CPXM2: variants seen among roughly 807,000 people sequenced by gnomAD.
CPXM2 encodes the protein carboxypeptidase X, M14 family member 2.
Under a neutral mutation model 86.1 loss-of-function variants are expected in CPXM2, and 66 were observed. That is an observed-to-expected ratio of 0.77 (90% CI 0.63 to 0.94). The LOEUF (loss-of-function observed/expected upper bound fraction) is 0.94, where lower values mean the gene tolerates loss of function less well. CPXM2 is among the 40% of genes least tolerant of loss of function. The pLI, the probability that CPXM2 is intolerant of heterozygous loss-of-function variation, is 0.00. For synonymous variants in CPXM2, 388 were observed against 400.2 expected (o/e 0.97, Z 0.36); for missense variants, 948 against 1,026.3 (o/e 0.92, Z 1.04).
intron 4 of CPXM2, among the ~76,000 whole-genome samples, chr10:123,819,414 G>A (rs1847879988): frequency 6.6e-6 from 1 of 152,198 alleles, no homozygotes; most frequent in African/African-American, 2.4e-5. Context: ...AATACAGAAT[G>A]GGTAATAGAA....
intron 7 of CPXM2, among the ~76,000 whole-genome samples, chr10:123,771,299 G>A (rs897938904): frequency 2.0e-4 from 30 of 152,140 alleles, no homozygotes; most frequent in Middle Eastern, 3.4e-3. Context: ...GCCCCCACCC[G>A]GTCCTGTACT....
upstream of CPXM2, among the ~76,000 whole-genome samples, chr10:123,894,219 CTT>C (rs951660510): frequency 3.9e-5 from 6 of 152,178 alleles, no homozygotes; most frequent in African/African-American, 1.4e-4. Flanking sequence ...CCTGAAGACA[CTT>C]TACCGCTTTT....
chr10:123,929,251 G>T (rs1254913138), intron 2 of CPXM2, among the ~76,000 whole-genome samples: 1 of 152,240 alleles, frequency 6.6e-6, no homozygotes, highest in Non-Finnish European at 1.5e-5. Flanking sequence ...TGGGGCACTG[G>T]CAGAGTGCAG....
chr10:123,859,346 G>A (rs977823282), intron 3 of CPXM2, among the ~76,000 whole-genome samples: 1 of 152,244 alleles, frequency 6.6e-6, no homozygotes, highest in African/African-American at 2.4e-5. Context: ...TGTGACAGTG[G>A]AATCACACTG....
chr10:123,909,827 C>G (rs966302377), intron 2 of CPXM2, among the ~76,000 whole-genome samples: 1 of 152,178 alleles, frequency 6.6e-6, no homozygotes, highest in African/African-American at 2.4e-5. Flanking sequence ...CCTCAGTGTC[C>G]AGGAACAGTA....
rs141382056 is a variant in CPXM2, at chr10:123,798,076, G to T, written c.789C>A (p.Pro263=). ...EKEIPVLNEL[P]VPMVARYIRI... ...GGATGTAGCGGGCCACCATGGGGAC[G>T]GGTAGCTCATTGAGAACAGGGATCT... is the stretch of plus-strand genomic sequence containing the variant. Residue 263 remains proline, a synonymous_variant, in exon 6 of 14, where the codon CCC becomes CCA. Coordinates refer to ENST00000241305, the MANE Select transcript of CPXM2 (RefSeq NM_198148.3). 6 of 1,611,270 alleles carry T rather than the reference G, an allele frequency of 3.7e-6. No homozygotes were observed. Among genetic ancestry groups the T allele is most frequent in the Non-Finnish European group, 5.1e-6 (6 of 1,178,530 alleles).
At chr10:123,866,893 C>A (rs1024414873) in intron 2 of CPXM2, among the ~76,000 whole-genome samples, 2 of 152,232 alleles carry the variant, frequency 1.3e-5, no homozygotes, top group African/African-American at 4.8e-5. Context: ...ATCTTCCATT[C>A]TTTATTTTTC....
chr10:123,752,978 A>G lies in CPXM2; in HGVS notation c.2017+1685T>C, dbSNP rs111735186. Among the ~76,000 whole-genome samples, 33 of 152,258 alleles carry G rather than the reference A, an allele frequency of 2.2e-4. 1 individual carries two copies. The highest frequency in any genetic ancestry group is 7.5e-4 in the African/African-American group (31 of 41,554). The stretch of plus-strand genomic sequence containing the variant: ...TCTTACGTGGTGTGTTAGAAGGGAG[A>G]CATGCCACGGGGAAGGGACAAAGTT... On this transcript the variant is annotated intron_variant, in intron 13 of 13. Coordinates refer to ENST00000241305, the MANE Select transcript of CPXM2 (RefSeq NM_198148.3).
At chr10:123,848,778 G>GA (rs1848545361) in intron 3 of CPXM2, among the ~76,000 whole-genome samples, 1 of 152,232 alleles carries the variant, frequency 6.6e-6, no homozygotes, top group Non-Finnish European at 1.5e-5. Flanking sequence ...ATCGCCTTCA[G>GA]AAATGCATGC....
rs981910838 is a variant in CPXM2 at position 123,891,094 on chromosome 10, A to T, written c.304+262T>A. ...AACAAGAACTTTGACTCTCATAGGCAGCCTCCCAATTGCACAGCTCCCTCT... is the reference window on the plus strand; with the variant it reads ...AACAAGAACTTTGACTCTCATAGGCTGCCTCCCAATTGCACAGCTCCCTCT... On this transcript the variant is annotated intron_variant, in intron 1 of 13. Transcript: ENST00000241305. The surrounding 1 kb of genome is among the most constrained non-coding windows in gnomAD (Gnocchi z 5.6). 6.6e-6 allele frequency among the ~76,000 whole-genome samples: 1 copy of T among 152,258 alleles called. No individual in the cohort carries two copies. Among genetic ancestry groups the T allele is most frequent in the Admixed American group, 6.5e-5 (1 of 15,294 alleles).
intron 2 of CPXM2, among the ~76,000 whole-genome samples, chr10:123,906,475 A>G (rs1301084860): frequency 6.6e-6 from 1 of 152,118 alleles, no homozygotes; most frequent in Non-Finnish European, 1.5e-5. Flanking sequence ...ACTGTTCCCC[A>G]AACACCCTTG....
chr10:123,926,013 G>C (rs1945619432), intron 2 of CPXM2, among the ~76,000 whole-genome samples: 1 of 152,200 alleles, frequency 6.6e-6, no homozygotes, highest in Non-Finnish European at 1.5e-5. Context: ...CAGGATCTCA[G>C]GGCTAGAAGG....
intron 2 of CPXM2, among the ~76,000 whole-genome samples, chr10:123,903,512 C>T (rs1363835846): frequency 6.6e-6 from 1 of 152,230 alleles, no homozygotes; most frequent in Non-Finnish European, 1.5e-5. Flanking sequence ...GGCCTCCTGG[C>T]TCAGCTGAGA....
Position 123,768,510 on chromosome 10 carries a change from G to A in CPXM2, c.1299+16C>T, listed in dbSNP as rs1846546210. On this transcript the variant is annotated intron_variant, in intron 9 of 13. Transcript: ENST00000241305. Reference sequence around the variant, plus strand: ...CTGCCCATGTCCTATTGGGTGAGATGGGCCAGGGCCATTACCCCTTCGTAG... The same window carrying A: ...CTGCCCATGTCCTATTGGGTGAGATAGGCCAGGGCCATTACCCCTTCGTAG... 6.3e-7 allele frequency: 1 copy of A among 1,598,942 alleles called. No homozygotes were observed. Among genetic ancestry groups the A allele is most frequent in the Non-Finnish European group, 8.5e-7 (1 of 1,169,904 alleles).
chr10:123,832,434 G>C (rs939601068), intron 4 of CPXM2, among the ~76,000 whole-genome samples: 1 of 152,158 alleles, frequency 6.6e-6, no homozygotes, highest in African/African-American at 2.4e-5. Context: ...GGGCAGAAAG[G>C]ACAGGATTTT....
intron 2 of CPXM2, among the ~76,000 whole-genome samples, chr10:123,909,369 T>A (rs1427396047): frequency 6.6e-6 from 1 of 152,200 alleles, no homozygotes; most frequent in Non-Finnish European, 1.5e-5. Flanking sequence ...AAGGCTTAAT[T>A]TTTTTTCTTT....
chr10:123,765,810 C>T (rs1846458297), intron 10 of CPXM2, among the ~76,000 whole-genome samples: 1 of 152,246 alleles, frequency 6.6e-6, no homozygotes, highest in Admixed American at 6.5e-5. Context: ...GCTGCTCCTC[C>T]TCCAGTACGT....
intron 13 of CPXM2, chr10:123,752,416 A>G (rs2133970047): frequency 1.0e-6 from 1 of 984,508 alleles, no homozygotes; most frequent in Admixed American, 6.1e-5. Context: ...GGAAAAATGC[A>G]ATTTATGGCA....
At chr10:123,880,889 C>T (rs1447063502) in intron 1 of CPXM2, among the ~76,000 whole-genome samples, 1 of 150,008 alleles carries the variant, frequency 6.7e-6, no homozygotes, top group Non-Finnish European at 1.5e-5. Flanking sequence ...TTGACCCTCA[C>T]TGAGGCCCAG....
Sources: allele counts gnomAD v4.1 joint callset (sites outside exome capture counted in the v4.1 genomes callset), GRCh38; gene constraint gnomAD v4.1.1; non-coding constraint Gnocchi (gnomAD v3.1); transcripts MANE v1.5; gene names NCBI Gene and HGNC (gene_info 2026-07-23, HGNC 2026-07-21).